CDIN1: variants seen among roughly 807,000 people sequenced by gnomAD.
CDIN1 encodes the protein CDAN1-interacting nuclease 1.
In CDIN1, 33 loss-of-function variants were observed where a neutral mutation model predicts 45.3. The observed-to-expected ratio is 0.73, with a 90% CI of 0.55 to 0.97. The LOEUF (loss-of-function observed/expected upper bound fraction) is 0.97. Ranked by LOEUF, CDIN1 falls within the 50% of genes least tolerant of loss-of-function variation. The probability of loss-of-function intolerance (pLI) is 0.00; values close to 1 mark genes in which losing one functional copy is unlikely to be tolerated. For missense variants in CDIN1, 303 were observed against 339.4 expected, an observed-to-expected ratio of 0.89 and a Z score of 0.84; for synonymous variants, 118 against 124.4, an observed-to-expected ratio of 0.95 and a Z score of 0.34.
intron 10 of CDIN1, among the ~76,000 whole-genome samples, chr15:36,748,103 G>C (rs2140961617): frequency 6.6e-6 from 1 of 152,174 alleles, no homozygotes; most frequent in South Asian, 2.1e-4. Context: ...GTATGACCTG[G>C]GGCAAATCTC....
At chr15:36,808,289 C>A (rs1163574344) in intron 10 of CDIN1, 35 bp from the exon 11 acceptor site, 1 of 1,610,650 alleles carries the variant, frequency 6.2e-7, no homozygotes, top group Non-Finnish European at 8.5e-7. Flanking sequence ...TCTGTTGATA[C>A]CATGTGTGTG....
At position 36,584,272 on chromosome 15, in the gene CDIN1, A is replaced by G. The variant is rs140898579; in HGVS notation, c.101+4311A>G. ...AACAGAGCGAGACCCTGTCTCTTCA[A>G]AAAAATTTAAAAATTAGCCAGGTGT... is the stretch of plus-strand genomic sequence containing the variant. On this transcript the variant is annotated intron_variant, in intron 1 of 10. Transcript: ENST00000566621. Among the ~76,000 whole-genome samples the G allele has an allele frequency of 6.0e-3, 908 of 152,162 alleles. 5 individuals carry two copies. Among genetic ancestry groups the G allele is most frequent in the Middle Eastern group, 0.044 (13 of 294 alleles).
At chr15:36,698,435 T>G (rs1052551655) in intron 8 of CDIN1, among the ~76,000 whole-genome samples, 10 of 152,228 alleles carry the variant, frequency 6.6e-5, no homozygotes, top group African/African-American at 1.9e-4. Flanking sequence ...AATTTCAGTA[T>G]GTAGAAGCAG....
intron 10 of CDIN1, among the ~76,000 whole-genome samples, chr15:36,797,443 T>G (rs1204922919): frequency 3.3e-5 from 5 of 152,182 alleles, no homozygotes; most frequent in Admixed American, 3.3e-4. Flanking sequence ...AAGTGCAGTC[T>G]TTCCTCCTAG....
At chr15:36,634,032 G>A (rs1246129951) in intron 1 of CDIN1, among the ~76,000 whole-genome samples, 2 of 151,712 alleles carry the variant, frequency 1.3e-5, no homozygotes, top group African/African-American at 4.8e-5. Flanking sequence ...GATTACAGGT[G>A]TGAGCCACCA....
At chr15:36,733,316 A>G (rs1321020550) in intron 10 of CDIN1, among the ~76,000 whole-genome samples, 1 of 152,012 alleles carries the variant, frequency 6.6e-6, no homozygotes, top group Non-Finnish European at 1.5e-5. Context: ...ATTTTTTTGT[A>G]TGATTTTTAA....
intron 4 of CDIN1, among the ~76,000 whole-genome samples, chr15:36,657,494 G>T (rs1162310943): frequency 6.6e-6 from 1 of 152,014 alleles, no homozygotes; most frequent in East Asian, 1.9e-4. Flanking sequence ...AGCATGGCTT[G>T]AATAAAAAAT....
intron 10 of CDIN1, among the ~76,000 whole-genome samples, chr15:36,750,360 C>T (rs1452919): frequency 0.76 from 116,115 of 152,056 alleles, 44,897 homozygotes; most frequent in East Asian, 0.96. Context: ...TACATTATTT[C>T]GTTTGAGCTA....
rs894013933 is a variant in CDIN1 at position 36,639,850 on chromosome 15, CT to C, written c.102-4419del. On this transcript the variant is annotated intron_variant, in intron 1 of 10. Transcript: ENST00000566621. ...ATATTTGACCTATAGTTATTAAGAA[CT>C]TTTTTTTTATAGTTGATTACTACTA... 9.9e-5 allele frequency among the ~76,000 whole-genome samples: 15 copies of C among 151,518 alleles called. No homozygotes were observed. The South Asian group carries it at 1.0e-3, about 11-fold the overall frequency.
intron 5 of CDIN1, among the ~76,000 whole-genome samples, chr15:36,672,018 G>GT (rs1049144857): frequency 2.6e-5 from 4 of 151,824 alleles, no homozygotes; most frequent in African/African-American, 9.7e-5. Context: ...TGGCAATGTT[G>GT]TTTTTTTCCC....
At chr15:36,773,785 T>C (rs1320267961) in intron 10 of CDIN1, among the ~76,000 whole-genome samples, 9 of 152,252 alleles carry the variant, frequency 5.9e-5, no homozygotes. Context: ...GTGAATTTTC[T>C]GAAAAGACCT....
chr15:36,795,760 TG>T (rs199641264), intron 10 of CDIN1, among the ~76,000 whole-genome samples: 1,759 of 152,072 alleles, frequency 0.012, 30 homozygotes, highest in African/African-American at 0.041. Flanking sequence ...TGGAATGCAG[TG>T]GGGCAGTCAT....
chr15:36,697,200 G>A, intron 7 of CDIN1, 123 bp from the exon 8 acceptor site: 1 of 774,136 alleles, frequency 1.3e-6, no homozygotes. Context: ...TGTGTGTAGA[G>A]ATTTCATTCC....
intron 8 of CDIN1, chr15:36,708,446 A>C (rs1356640636): frequency 7.1e-6 from 1 of 140,364 alleles, no homozygotes; most frequent in Non-Finnish European, 1.5e-5. Context: ...AGCATTTAGA[A>C]AATATTGGTG....
At chr15:36,782,886 A>G (rs1361318615) in intron 10 of CDIN1, among the ~76,000 whole-genome samples, 1 of 152,168 alleles carries the variant, frequency 6.6e-6, no homozygotes, top group Non-Finnish European at 1.5e-5. Context: ...TACACTACAG[A>G]AGAAAAGAGT....
intron 1 of CDIN1, among the ~76,000 whole-genome samples, chr15:36,601,089 T>C (rs972683228): frequency 2.0e-5 from 3 of 152,156 alleles, no homozygotes; most frequent in Non-Finnish European, 4.4e-5. Context: ...AAAAGGTTCC[T>C]TTCAGAGTTT....
intron 10 of CDIN1, among the ~76,000 whole-genome samples, chr15:36,765,564 A>G (rs2053900399): frequency 6.6e-6 from 1 of 152,106 alleles, no homozygotes; most frequent in African/African-American, 2.4e-5. Context: ...TGTTTTTCCC[A>G]TGTCTTTGGA....
chr15:36,697,310 T>C lies in CDIN1; in HGVS notation c.477-13T>C. 1 of 1,612,348 alleles carries C rather than the reference T, an allele frequency of 6.2e-7. No homozygotes were observed. Among genetic ancestry groups the C allele is most frequent in the East Asian group, 2.2e-5 (1 of 44,812 alleles). On this transcript the variant is annotated splice_polypyrimidine_tract_variant and intron_variant, in intron 7 of 10. Transcript: ENST00000566621. Reference sequence around the variant, plus strand: ...ATTCTGCCTGTGTTACCCCCTTAACTGAAACTTCCCAGTGCCATTGGTCAT... The same window carrying C: ...ATTCTGCCTGTGTTACCCCCTTAACCGAAACTTCCCAGTGCCATTGGTCAT...
intron 8 of CDIN1, among the ~76,000 whole-genome samples, chr15:36,703,091 G>A (rs553442629): frequency 6.7e-6 from 1 of 150,204 alleles, no homozygotes; most frequent in African/African-American, 2.5e-5. Context: ...GGTGGTGCAC[G>A]CCTGTTGTCC....
Sources: gnomAD v4.1 joint callset for allele counts (sites outside exome capture counted in the v4.1 genomes callset) on GRCh38, gnomAD v4.1.1 for gene constraint, MANE v1.5 for transcripts, NCBI Gene and HGNC (gene_info 2026-07-23, HGNC 2026-07-21) for gene names.